TBC1D1: variants seen among roughly 807,000 people sequenced by gnomAD.
TBC1D1 encodes TBC1 domain family member 1, also known as TBC1 (tre-2/USP6, BUB2, cdc16) domain family, member 1.
A neutral mutation model predicts 125.6 loss-of-function variants in TBC1D1; 89 were observed. That is an observed-to-expected ratio of 0.71 (90% CI 0.60 to 0.85). The LOEUF (loss-of-function observed/expected upper bound fraction) is 0.85, where lower values mean the gene tolerates loss of function less well. TBC1D1 is among the 40% of genes least tolerant of loss of function. TBC1D1 has a pLI of 0.00. For synonymous variants in TBC1D1, 565 were observed against 564.1 expected (o/e 1.00, Z -0.02); for missense variants, 1,377 against 1,469.2 (o/e 0.94, Z 1.03).
intron 4 of TBC1D1, among the ~76,000 whole-genome samples, chr4:38,019,721 T>A (rs1743590267): frequency 6.6e-6 from 1 of 152,178 alleles, no homozygotes; most frequent in Non-Finnish European, 1.5e-5. Flanking sequence ...CTGATGATTT[T>A]AAAACACATT....
rs962599890 is a variant in TBC1D1, at chr4:38,043,953, A to G, written c.1414-409A>G. The stretch of plus-strand genomic sequence containing the variant: ...TACCACGCTGTGTTCAATGTTTTAC[A>G]CACTTTACCTGTTTGAGTCTCACAA... On this transcript the variant is annotated intron_variant, in intron 8 of 19. Coordinates refer to ENST00000261439, the MANE Select transcript of TBC1D1 (RefSeq NM_015173.4). Among the ~76,000 whole-genome samples the G allele has an allele frequency of 3.3e-5, 5 of 152,218 alleles. No individual in the cohort carries two copies. In the East Asian group the frequency reaches 9.6e-4, roughly 29 times the overall value.
chr4:38,135,890 A>G (rs1369294438), intron 19 of TBC1D1, among the ~76,000 whole-genome samples: 3 of 148,084 alleles, frequency 2.0e-5, no homozygotes, highest in African/African-American at 7.8e-5. Context: ...GTGTGTGTAT[A>G]TATGTGTGTG....
intron 12 of TBC1D1, among the ~76,000 whole-genome samples, chr4:38,073,285 T>C (rs1261011645): frequency 6.6e-6 from 1 of 152,232 alleles, no homozygotes; most frequent in East Asian, 1.9e-4. Flanking sequence ...CTTGTAATCT[T>C]CTGGATTGCA....
intron 11 of TBC1D1, among the ~76,000 whole-genome samples, chr4:38,051,120 G>C (rs1750455147): frequency 6.6e-6 from 1 of 152,204 alleles, no homozygotes; most frequent in Non-Finnish European, 1.5e-5. Flanking sequence ...GAGAGTCCTA[G>C]TTCTCTTGTG....
chr4:37,934,492 G>A (rs1317007616), intron 2 of TBC1D1, among the ~76,000 whole-genome samples: 1 of 152,192 alleles, frequency 6.6e-6, no homozygotes, highest in Admixed American at 6.6e-5. Flanking sequence ...TTGGAAGGAG[G>A]GAGAAAGGTG....
At chr4:37,944,893 G>A (rs1726344248) in intron 2 of TBC1D1, among the ~76,000 whole-genome samples, 2 of 152,304 alleles carry the variant, frequency 1.3e-5, no homozygotes, top group South Asian at 4.1e-4. Context: ...TACCTCATTT[G>A]GAAATGCAGA....
At chr4:38,078,429 G>T (rs1251377561) in intron 12 of TBC1D1, among the ~76,000 whole-genome samples, 2 of 152,154 alleles carry the variant, frequency 1.3e-5, no homozygotes, top group African/African-American at 4.8e-5. Flanking sequence ...AATCAGATTT[G>T]CTCCTGCTAT....
At chr4:38,034,161 T>G (rs1746758822) in intron 7 of TBC1D1, among the ~76,000 whole-genome samples, 1 of 152,268 alleles carries the variant, frequency 6.6e-6, no homozygotes, top group Non-Finnish European at 1.5e-5. Context: ...ACATTTGGGC[T>G]CAGTGTACCC....
intron 14 of TBC1D1, among the ~76,000 whole-genome samples, chr4:38,097,847 G>A (rs1350395754): frequency 6.6e-6 from 1 of 152,130 alleles, no homozygotes; most frequent in African/African-American, 2.4e-5. Context: ...AGTTTTTTAG[G>A]CATTTTTAAC....
At chr4:38,094,927 T>G (rs1158745100) in intron 13 of TBC1D1, among the ~76,000 whole-genome samples, 3 of 152,056 alleles carry the variant, frequency 2.0e-5, no homozygotes, top group Non-Finnish European at 4.4e-5. Context: ...TTTTAAAAAT[T>G]TTTTTAAAAA....
At chr4:38,096,124 A>C (rs1186027568) in intron 14 of TBC1D1, 34 bp downstream of exon 16, 1 of 1,579,088 alleles carries the variant, frequency 6.3e-7, no homozygotes, top group Non-Finnish European at 8.6e-7. Context: ...AGTCAACCTC[A>C]CCCCTCATTG....
At chr4:37,953,121 A>G (rs1369564022) in intron 2 of TBC1D1, among the ~76,000 whole-genome samples, 1 of 152,232 alleles carries the variant, frequency 6.6e-6, no homozygotes, top group African/African-American at 2.4e-5. Context: ...GGAGCCAGTA[A>G]TTTGGTGCCT....
chr4:38,131,436 G>T (rs1161179551), intron 18 of TBC1D1, among the ~76,000 whole-genome samples: 1 of 152,216 alleles, frequency 6.6e-6, no homozygotes, highest in African/African-American at 2.4e-5. Flanking sequence ...ATCCATTGAT[G>T]ATGGTTTTGC....
rs1281095389 is a variant in TBC1D1 at position 38,137,501 on chromosome 4, G to C, written c.*166G>C. 3 of 1,006,322 alleles carry C rather than the reference G, an allele frequency of 3.0e-6. No homozygotes were observed. Among genetic ancestry groups the C allele is most frequent in the Non-Finnish European group, 3.9e-6 (3 of 763,362 alleles). The allele number at this position is 1,006,322 out of a possible 1,614,324, so 62.3% of individuals were successfully genotyped here. A position where few individuals can be genotyped will look rare whatever the true frequency, so the allele number is the denominator to read the frequency against. ...ACGAACTCCAACTTGCAATTCAGGG[G>C]GCATGTCCCAGTGTTTTTTTTGTTG... is the stretch of plus-strand genomic sequence containing the variant. On this transcript the variant is annotated 3_prime_UTR_variant, in exon 20 of 20. Transcript: ENST00000261439.
chr4:37,938,558 T>C (rs1441093545), intron 2 of TBC1D1, among the ~76,000 whole-genome samples: 1 of 152,146 alleles, frequency 6.6e-6, no homozygotes, highest in Non-Finnish European at 1.5e-5. Flanking sequence ...ATACCTTAAG[T>C]TCTAGGGTAC....
At chr4:38,088,041 T>C (rs2152536015) in intron 12 of TBC1D1, among the ~76,000 whole-genome samples, 1 of 150,846 alleles carries the variant, frequency 6.6e-6, no homozygotes, top group Non-Finnish European at 1.5e-5. Flanking sequence ...ATCATAGGAA[T>C]TGCAAAACTC....
chr4:38,117,930 G>A, intron 16 of TBC1D1, 103 bp from the exon 19 acceptor site: 2 of 1,050,742 alleles, frequency 1.9e-6, no homozygotes, highest in Non-Finnish European at 1.4e-6. Flanking sequence ...AATGTTTAAA[G>A]TTCTAGTAAG....
At chr4:38,119,257 C>T (rs1460027435) in intron 17 of TBC1D1, among the ~76,000 whole-genome samples, 1 of 152,060 alleles carries the variant, frequency 6.6e-6, no homozygotes, top group Non-Finnish European at 1.5e-5. Flanking sequence ...TTCTAGAAAT[C>T]CTAAAATTTG....
intron 19 of TBC1D1, among the ~76,000 whole-genome samples, chr4:38,135,097 C>T (rs772863848): frequency 2.0e-5 from 3 of 152,180 alleles, no homozygotes; most frequent in Non-Finnish European, 2.9e-5. Flanking sequence ...ATGCCTCCTC[C>T]GTGTACACTT....
Sources: gnomAD v4.1 joint callset for allele counts (sites outside exome capture counted in the v4.1 genomes callset) on GRCh38, gnomAD v4.1.1 for gene constraint, MANE v1.5 for transcripts, NCBI Gene and HGNC (gene_info 2026-07-23, HGNC 2026-07-21) for gene names.